PDE6B: variants seen among roughly 807,000 people sequenced by gnomAD.
PDE6B encodes the protein phosphodiesterase 6B.
A neutral mutation model predicts 109.0 loss-of-function variants in PDE6B; 106 were observed. That is an observed-to-expected ratio of 0.97 (90% confidence interval 0.83 to 1.14). PDE6B has a LOEUF of 1.14. Ranked by LOEUF, PDE6B falls within the 50% of genes most tolerant of loss-of-function variation. The pLI is 0.00. For missense variants in PDE6B, 1,193 were observed against 1,155.6 expected (o/e 1.03, Z -0.47); for synonymous variants, 490 against 471.3 (o/e 1.04, Z -0.51).
chr4:669,129 C>CTATT (rs1232373780), intron 21 of PDE6B, among the ~76,000 whole-genome samples: 8 of 266 alleles, frequency 0.03, 4 homozygotes, highest in African/African-American at 0.2. Context: ...CTACCCCACG[C>CTATT]TATTCCCCTA....
intron 10 of PDE6B, among the ~76,000 whole-genome samples, chr4:658,503 G>A (rs1372797474): frequency 2.0e-5 from 3 of 151,858 alleles, no homozygotes; most frequent in Admixed American, 6.6e-5. Context: ...CAGGGGTCAC[G>A]GCTCCCTCTG....
At chr4:657,090 G>C in intron 9 of PDE6B, 67 bp downstream of exon 9, 1 of 1,499,930 alleles carries the variant, frequency 6.7e-7, no homozygotes, top group Non-Finnish European at 9.3e-7. Flanking sequence ...GTGCGGTGTG[G>C]GGGCCTCCCC....
At chr4:653,065 G>C (rs1333374690) in intron 3 of PDE6B, 1 of 459,142 alleles carries the variant, frequency 2.2e-6, no homozygotes, top group African/African-American at 2.1e-5. Flanking sequence ...ATAAAGCTAC[G>C]AACATCTCAC....
chr4:659,886 A>T (rs1168706590), intron 11 of PDE6B, among the ~76,000 whole-genome samples: 1 of 152,176 alleles, frequency 6.6e-6, no homozygotes, highest in Non-Finnish European at 1.5e-5. Flanking sequence ...CTGCCTATGC[A>T]ATTTAGCCAG....
rs771235271 is a variant in PDE6B at position 626,142 on chromosome 4, A to T, written c.468+48A>T. 2.0e-5 allele frequency: 23 copies of T among 1,177,310 alleles called. 1 individual carries two copies. In the South Asian group the frequency reaches 3.0e-4, roughly 15 times the overall value. The allele number at this position is 1,177,310 out of a possible 1,614,324, so 72.9% of individuals were successfully genotyped here. On this transcript the variant is annotated intron_variant, in intron 1 of 21. Transcript: ENST00000496514. This position sits in a 1 kb window ranked among gnomAD's most constrained non-coding sequence, Gnocchi z 4.6. The stretch of plus-strand genomic sequence containing the variant: ...GGAGGCGGCTGTGTGCATCTCTTGC[A>T]CCTGTCCCAGGTGTCTAAGGGTCAG...
rs993291871 is a variant in PDE6B, at chr4:658,835, G to C, written c.1402-117G>C. 19 of 770,276 alleles carry C rather than the reference G, an allele frequency of 2.5e-5. No individual in the cohort carries two copies. The East Asian group carries it at 3.2e-4, about 13-fold the overall frequency. 47.7% of individuals were successfully genotyped at this position (770,276 alleles called of 1,614,324 possible). ...CAGAGGCCGCCAGGGCCTTCCCAGGGTGAAAGCACAAGCTCTTGACAGCAC... is the reference window on the plus strand; with the variant it reads ...CAGAGGCCGCCAGGGCCTTCCCAGGCTGAAAGCACAAGCTCTTGACAGCAC... On this transcript the variant is annotated intron_variant, in intron 10 of 21. Transcript: ENST00000496514.
chr4:667,894 C>A lies in PDE6B; in HGVS notation c.2391C>A (p.Phe797Leu), dbSNP rs143154045. 18 of 1,613,350 alleles carry A rather than the reference C, an allele frequency of 1.1e-5. No homozygotes were observed. The African/African-American group carries it at 2.1e-4, about 19-fold the overall frequency. The change falls in exon 21 of 22, where the codon TTC (phenylalanine) becomes TTA (leucine). Residue 797 changes from phenylalanine (F) to leucine (L), a missense_variant. Coordinates refer to ENST00000496514, the MANE Select transcript of PDE6B (RefSeq NM_000283.4). ...TCCACGAAGAGATCCTGCCCATGTT[C>A]GACCGACTGCAGAACAATAGGAAAG... ...SRFHEEILPM[F>L]DRLQNNRKEW...
In PDE6B at chr4:635,961, C is replaced by G; in HGVS notation, c.703C>G (p.Arg235Gly). Residue 235 changes from arginine (R) to glycine (G), a missense_variant, in exon 3 of 22, where the codon CGC becomes GGC. Transcript: ENST00000496514. ...CTACCTCCACAACTGCGAGACGCGC[C>G]GCGGCCAGGTACCCACACGCTGAGC... ...LSYLHNCETRRGQVLLWSANK... is the reference protein window; with the variant it reads ...LSYLHNCETRGGQVLLWSANK... 1 of 1,597,382 alleles carries G rather than the reference C, an allele frequency of 6.3e-7. No individual in the cohort carries two copies.
intron 1 of PDE6B, among the ~76,000 whole-genome samples, chr4:629,704 C>T (rs9990446): frequency 0.024 from 3,624 of 152,242 alleles, 144 homozygotes; most frequent in African/African-American, 0.083. Flanking sequence ...GTTGAGAACA[C>T]GGGCTGGGTG....
chr4:667,787 G>A, intron 20 of PDE6B, 69 bp from the exon 21 acceptor site: 1 of 1,526,962 alleles, frequency 6.5e-7, no homozygotes, highest in South Asian at 1.1e-5. Context: ...GATGAGCTGG[G>A]GAAGGGCTAT....
chr4:657,050 G>C (rs370453540), intron 9 of PDE6B, 27 bp downstream of exon 9: 2 of 1,609,036 alleles, frequency 1.2e-6, no homozygotes, highest in African/African-American at 2.7e-5. Context: ...ACGTGGTTCC[G>C]CCGGGGATGC....
At chr4:656,186 TAGATCATAAC>T in intron 7 of PDE6B, 49 bp from the exon 8 acceptor site, 2 of 1,268,534 alleles carry the variant, frequency 1.6e-6, no homozygotes, top group South Asian at 2.4e-5. Flanking sequence ...GAGGCCATTT[TAGATCATAAC>T]AGACCTTCCG....
rs183510156 is a variant in PDE6B, at chr4:637,024, T to G, written c.711+1055T>G. Among the ~76,000 whole-genome samples, 266 of 152,362 alleles carry G rather than the reference T, an allele frequency of 1.7e-3. 6 individuals carry two copies. Among genetic ancestry groups the G allele is most frequent in the Admixed American group, 0.017 (261 of 15,306 alleles). On this transcript the variant is annotated intron_variant, in intron 3 of 21. Transcript: ENST00000496514. ...TCTTTTGCGTGAGAGATTTGTCTCT[T>G]CTCCTCATTTACTAATTTATTCAAT... is the stretch of plus-strand genomic sequence containing the variant.
At chr4:635,750 G>C (rs1472692246) in intron 2 of PDE6B, 130 bp from the exon 3 acceptor site, 12 of 709,832 alleles carry the variant, frequency 1.7e-5, no homozygotes, top group Non-Finnish European at 3.1e-5. Context: ...ATCCATGTCT[G>C]CCTGTGGGGC....
chr4:646,814 G>C (rs770429344), intron 3 of PDE6B, among the ~76,000 whole-genome samples: 1 of 151,602 alleles, frequency 6.6e-6, no homozygotes, highest in African/African-American at 2.4e-5. Flanking sequence ...CCGGTGCGCT[G>C]CCTCCGTTTT....
In PDE6B at chr4:633,134, CAG is replaced by C. The variant is rs1734472046; in HGVS notation, c.469-1542_469-1541del. 6.6e-6 allele frequency among the ~76,000 whole-genome samples: 1 copy of C among 152,054 alleles called. No homozygotes were observed. The highest frequency in any genetic ancestry group is 1.5e-5 in the Non-Finnish European group (1 of 67,998). On this transcript the variant is annotated intron_variant, in intron 1 of 21. Coordinates refer to ENST00000496514, the MANE Select transcript of PDE6B (RefSeq NM_000283.4). This position sits in a 1 kb window ranked among gnomAD's most constrained non-coding sequence, Gnocchi z 4.5. ...GGCAGGAGTGTGCTGTGCTTGGCCTCAGGGGACACAGGTGCAGAGATGAGCCC... is the reference window on the plus strand; with the variant it reads ...GGCAGGAGTGTGCTGTGCTTGGCCTCGGGACACAGGTGCAGAGATGAGCCC...
chr4:657,093 G>T, intron 9 of PDE6B, 70 bp downstream of exon 9: 3 of 1,470,566 alleles, frequency 2.0e-6, no homozygotes, highest in Non-Finnish European at 2.9e-6. Flanking sequence ...CGGTGTGGGG[G>T]CCTCCCCGCC....
At chr4:639,970 C>T (rs541519743) in intron 3 of PDE6B, among the ~76,000 whole-genome samples, 1 of 152,024 alleles carries the variant, frequency 6.6e-6, no homozygotes, top group Non-Finnish European at 1.5e-5. Flanking sequence ...TGTACTCCAG[C>T]CTGGGCGACA....
At chr4:659,230 T>G (rs1286772082) in intron 11 of PDE6B, among the ~76,000 whole-genome samples, 1 of 152,150 alleles carries the variant, frequency 6.6e-6, no homozygotes, top group Non-Finnish European at 1.5e-5. Flanking sequence ...TCCCTGAGTG[T>G]GTTTGCATGG....
Sources: gnomAD v4.1 joint callset for allele counts (sites outside exome capture counted in the v4.1 genomes callset) on GRCh38, gnomAD v4.1.1 for gene constraint, Gnocchi (gnomAD v3.1) non-coding constraint, MANE v1.5 for transcripts, NCBI Gene and HGNC (gene_info 2026-07-23, HGNC 2026-07-21) for gene names.